Variants in C18orf54 observed in about 807,000 individuals in gnomAD.
The protein encoded by C18orf54 is chromosome 18 open reading frame 54, also known as lung adenoma susceptibility protein 2.
A neutral mutation model predicts 49.3 loss-of-function variants in C18orf54; 49 were observed. The ratio of observed to expected loss-of-function variants is 0.99; its 90% confidence interval spans 0.79 to 1.26. The LOEUF (loss-of-function observed/expected upper bound fraction) is 1.26, where lower values mean the gene tolerates loss of function less well. Ranked by LOEUF, C18orf54 falls within the 50% of genes most tolerant of loss-of-function variation. C18orf54 has a pLI of 0.00. For missense variants in C18orf54, 687 were observed against 620.6 expected (o/e 1.11, Z -1.14); for synonymous variants, 211 against 216.6 (o/e 0.97, Z 0.23).
At chr18:54,364,297 GGCAA>G (rs1449640031) in intron 5 of C18orf54, among the ~76,000 whole-genome samples, 23 of 151,960 alleles carry the variant, frequency 1.5e-4, no homozygotes, top group African/African-American at 4.3e-4. Flanking sequence ...AACCAAAATG[GGCAA>G]GCAAGTAGTA....
In C18orf54 at chr18:54,369,488, TG is replaced by T. The variant is rs764946744; in HGVS notation, c.1327-2976del. ...TTGCTTTTTTTTTTTTTTTTTTTTT[TG>T]GAGACAGTCTTACTCTGTCTCCCAG... On this transcript the variant is annotated intron_variant, in intron 6 of 8. Transcript: ENST00000620105. Among the ~76,000 whole-genome samples, 225 of 48,280 alleles carry T rather than the reference TG, an allele frequency of 4.7e-3. 3 individuals carry two copies. The highest frequency in any genetic ancestry group is 5.9e-3 in the Non-Finnish European group (144 of 24,528). 31.7% of individuals were successfully genotyped at this position (48,280 alleles called of 152,430 possible). A position where few individuals can be genotyped will look rare whatever the true frequency, so the allele number is the denominator to read the frequency against.
In C18orf54 at chr18:54,379,094, C is replaced by CT. The variant is rs1568194290; in HGVS notation, c.*849dup. 1.3e-5 allele frequency: 2 copies of CT among 152,206 alleles called. No homozygotes were observed. The highest frequency in any genetic ancestry group is 1.9e-4 in the East Asian group (1 of 5,180). The allele number at this position is 152,206 out of a possible 1,614,324, so 9.4% of individuals were successfully genotyped here. A position where few individuals can be genotyped will look rare whatever the true frequency, so the allele number is the denominator to read the frequency against. On this transcript the variant is annotated 3_prime_UTR_variant, in exon 9 of 9. Coordinates refer to ENST00000620105, the MANE Select transcript of C18orf54 (RefSeq NM_001288980.2). Reference sequence around the variant, plus strand: ...GAATATGGAAAATCAGAAAGCAACTCTATTTTAGAGCTATTTTGTAAGAGT... The same window carrying CT: ...GAATATGGAAAATCAGAAAGCAACTCTTATTTTAGAGCTATTTTGTAAGAGT...
At chr18:54,375,803 T>G (rs1295371669) in intron 8 of C18orf54, among the ~76,000 whole-genome samples, 1 of 152,290 alleles carries the variant, frequency 6.6e-6, no homozygotes, top group African/African-American at 2.4e-5. Flanking sequence ...CCTTTAGTTA[T>G]TAATTCTGTT....
intron 7 of C18orf54, among the ~76,000 whole-genome samples, chr18:54,373,972 C>T (rs151316272): frequency 2.0e-5 from 3 of 151,716 alleles, no homozygotes; most frequent in East Asian, 3.9e-4. Context: ...TAATTTTAAG[C>T]GAAGACTTGA....
chr18:54,362,655 T>C, intron 4 of C18orf54, 116 bp from the exon 5 acceptor site: 1 of 973,350 alleles, frequency 1.0e-6, no homozygotes, highest in Non-Finnish European at 1.5e-6. Context: ...CATAATTTGC[T>C]GTTATAGATG....
At position 54,365,740 on chromosome 18, in the gene C18orf54, C is replaced by A; in HGVS notation, c.1245C>A (p.Asn415Lys). The A allele has an allele frequency of 1.9e-6, 3 of 1,595,582 alleles. No homozygotes were observed. Among genetic ancestry groups the A allele is most frequent in the Non-Finnish European group, 8.6e-7 (1 of 1,167,664 alleles). Reference sequence around the variant, plus strand: ...TTAGCAAATCTCCTGTTCCCGTTAACTCTGATGATAGTCCTCAACAAACTT... The same window carrying A: ...TTAGCAAATCTCCTGTTCCCGTTAAATCTGATGATAGTCCTCAACAAACTT... ...PVTFKSPVPV[N>K]SDDSPQQTSR... is the part of the protein sequence containing the mutation. The change falls in exon 6 of 9, where the codon AAC (asparagine) becomes AAA (lysine). Residue 415 changes from asparagine (N) to lysine (K), a missense_variant. By Grantham distance (94) the Asn-to-Lys change is moderately conservative. Transcript: ENST00000620105.
chr18:54,364,298 G>A (rs2089335483), intron 5 of C18orf54, among the ~76,000 whole-genome samples: 1 of 151,924 alleles, frequency 6.6e-6, no homozygotes, highest in African/African-American at 2.4e-5. Flanking sequence ...ACCAAAATGG[G>A]CAAGCAAGTA....
Position 54,361,951 on chromosome 18 carries a change from A to G in C18orf54, c.592A>G (p.Arg198Gly), listed in dbSNP as rs1599326378. 6.2e-7 allele frequency: 1 copy of G among 1,614,068 alleles called. No homozygotes were observed. Among genetic ancestry groups the G allele is most frequent in the East Asian group, 2.2e-5 (1 of 44,834 alleles). Residue 198 changes from arginine to glycine, a missense_variant, in exon 4 of 9, where the codon AGG becomes GGG. Arg to Gly is a moderately radical substitution (Grantham distance 125). Coordinates refer to ENST00000620105, the MANE Select transcript of C18orf54 (RefSeq NM_001288980.2). ...AAATATAAATGGAAAGCAATGTGGT[A>G]GGCTGAAAAACCCAAAACTTATGAA... ...RSNINGKQCG[R>G]LKNPKLMNRT...
At chr18:54,363,590 A>G (rs1458527808) in intron 5 of C18orf54, among the ~76,000 whole-genome samples, 1 of 152,162 alleles carries the variant, frequency 6.6e-6, no homozygotes, top group Non-Finnish European at 1.5e-5. Context: ...TGCTGGGATT[A>G]CAGGCTTGAG....
chr18:54,374,514 T>G (rs1309662586), intron 8 of C18orf54, among the ~76,000 whole-genome samples: 1 of 151,880 alleles, frequency 6.6e-6, no homozygotes, highest in Non-Finnish European at 1.5e-5. Flanking sequence ...CTCTAAAATA[T>G]AATGGATATG....
chr18:54,359,759 T>C (rs902756909), intron 2 of C18orf54, among the ~76,000 whole-genome samples: 1 of 152,200 alleles, frequency 6.6e-6, no homozygotes, highest in Non-Finnish European at 1.5e-5. Context: ...ATCCTGTTAC[T>C]GTACTGAGGT....
chr18:54,381,234 T>C lies in C18orf54; in HGVS notation c.*2988T>C, dbSNP rs772761457. The C allele has an allele frequency of 6.6e-6, 1 of 152,092 alleles. No individual in the cohort carries two copies. The highest frequency in any genetic ancestry group is 1.5e-5 in the Non-Finnish European group (1 of 67,996). The allele number at this position is 152,092 out of a possible 1,614,324, so 9.4% of individuals were successfully genotyped here. A position where few individuals can be genotyped will look rare whatever the true frequency, so the allele number is the denominator to read the frequency against. ...TGTTTATAATCATATGTCCCTAAGA[T>C]TGTTTTCCTTTTTTGGACCAAAAAA... is the stretch of plus-strand genomic sequence containing the variant. On this transcript the variant is annotated 3_prime_UTR_variant, in exon 9 of 9. Transcript: ENST00000620105.
rs2089622098 is a variant in C18orf54, at chr18:54,379,022, C to T, written c.*776C>T. On this transcript the variant is annotated 3_prime_UTR_variant, in exon 9 of 9. Transcript: ENST00000620105. ...TGGCTCAAACTAGTGAAAACTATGA[C>T]TCAATGGCCAATTGCTTTATCAAAT... 6.6e-6 allele frequency: 1 copy of T among 151,986 alleles called. No homozygotes were observed. The highest frequency in any genetic ancestry group is 1.5e-5 in the Non-Finnish European group (1 of 67,908). The allele number at this position is 151,986 out of a possible 1,614,324, so 9.4% of individuals were successfully genotyped here. A position where few individuals can be genotyped will look rare whatever the true frequency, so the allele number is the denominator to read the frequency against.
rs1373004414 is a variant in C18orf54 at position 54,360,851 on chromosome 18, CA to C, written c.281del (p.Asn94MetfsTer25). 6.2e-7 allele frequency: 1 copy of C among 1,608,564 alleles called. No homozygotes were observed. On this transcript the variant is annotated frameshift_variant, in exon 3 of 9. Coordinates refer to ENST00000620105, the MANE Select transcript of C18orf54 (RefSeq NM_001288980.2). LOFTEE classifies it high-confidence loss of function. The stretch of plus-strand genomic sequence containing the variant: ...TCTGCAACTATATTTACAAACCAAA[CA>C]ATGGTATGCTTTTATTCTTTGTTTT... ...QFCNYIYKPN[N>X]AFENLDHKKH...
At chr18:54,370,996 A>G (rs922892359) in intron 6 of C18orf54, among the ~76,000 whole-genome samples, 7 of 151,854 alleles carry the variant, frequency 4.6e-5, no homozygotes, top group African/African-American at 1.7e-4. Flanking sequence ...TAAAATATAC[A>G]TAACATAAAA....
intron 8 of C18orf54, among the ~76,000 whole-genome samples, chr18:54,374,710 G>A (rs1267862840): frequency 1.3e-5 from 2 of 151,758 alleles, no homozygotes; most frequent in Non-Finnish European, 3.0e-5. Context: ...TATAAAGATA[G>A]GTCTAATTTT....
rs1431168881 is a variant in C18orf54, at chr18:54,380,363, A to T, written c.*2117A>T. The stretch of plus-strand genomic sequence containing the variant: ...ATCAATCCTTTGCTCTCTTTTAGAC[A>T]TATTGAGAAAATGTTAAATAGAAAA... On this transcript the variant is annotated 3_prime_UTR_variant, in exon 9 of 9. Transcript: ENST00000620105. 1 of 152,068 alleles carries T rather than the reference A, an allele frequency of 6.6e-6. No homozygotes were observed. The highest frequency in any genetic ancestry group is 2.4e-5 in the African/African-American group (1 of 41,444). The allele number at this position is 152,068 out of a possible 1,614,324, so 9.4% of individuals were successfully genotyped here. A position where few individuals can be genotyped will look rare whatever the true frequency, so the allele number is the denominator to read the frequency against.
chr18:54,375,430 A>ATTGAGACTAAGAACAGGGCCTCAG (rs1334112217), intron 8 of C18orf54, among the ~76,000 whole-genome samples: 1 of 149,384 alleles, frequency 6.7e-6, no homozygotes, highest in Non-Finnish European at 1.5e-5. Context: ...TGAATTATTC[A>ATTGAGACTAAGAACAGGGCCTCAG]TTGAGACTAA....
rs201320540 is a variant in C18orf54, at chr18:54,370,655, G to GTAT, written c.1327-1807_1327-1805dup. 7.9e-3 allele frequency among the ~76,000 whole-genome samples: 1,205 copies of GTAT among 152,282 alleles called. 9 individuals carry two copies. Among genetic ancestry groups the GTAT allele is most frequent in the Middle Eastern group, 0.024 (7 of 292 alleles). ...TCAATGACAAGTCTCAGAACAAATT[G>GTAT]TATTATCCATACAATATTTTTAAAA... On this transcript the variant is annotated intron_variant, in intron 6 of 8. Transcript: ENST00000620105.
Sources: allele counts gnomAD v4.1 joint callset (sites outside exome capture counted in the v4.1 genomes callset), GRCh38; gene constraint gnomAD v4.1.1; transcripts MANE v1.5; gene names NCBI Gene and HGNC (gene_info 2026-07-23, HGNC 2026-07-21).